Variants in SLC24A2 observed in about 807,000 individuals in gnomAD.
The protein encoded by SLC24A2 is sodium/potassium/calcium exchanger 2.
A neutral mutation model predicts 62.0 loss-of-function variants in SLC24A2; 36 were observed. The observed-to-expected ratio is 0.58, with a 90% CI of 0.44 to 0.77. The LOEUF (loss-of-function observed/expected upper bound fraction) is 0.77, where lower values mean the gene tolerates loss of function less well. Ranked by LOEUF, SLC24A2 falls within the 30% of genes least tolerant of loss-of-function variation. The probability of loss-of-function intolerance (pLI) is 0.00; values close to 1 mark genes in which losing one functional copy is unlikely to be tolerated. For missense variants in SLC24A2, 846 were observed against 817.9 expected (o/e 1.03, Z -0.42); for synonymous variants, 358 against 294.0 (o/e 1.22, Z -2.23).
intron 2 of SLC24A2, among the ~76,000 whole-genome samples, chr9:19,735,448 G>T (rs774483500): frequency 7.9e-5 from 12 of 152,142 alleles, no homozygotes; most frequent in Middle Eastern, 3.4e-3. Flanking sequence ...AGTCAGTGTG[G>T]CGATTCCTCA....
At chr9:19,775,503 C>T (rs1822818984) in intron 2 of SLC24A2, among the ~76,000 whole-genome samples, 1 of 152,144 alleles carries the variant, frequency 6.6e-6, no homozygotes, top group African/African-American at 2.4e-5. Flanking sequence ...CAGAGTTAGC[C>T]AAATGGACAT....
Position 19,602,541 on chromosome 9 carries a change from T to C in SLC24A2, c.1079-5262A>G, listed in dbSNP as rs10964235. Among the ~76,000 whole-genome samples, 118 of 152,304 alleles carry C rather than the reference T, an allele frequency of 7.7e-4. 1 individual carries two copies. The East Asian group carries it at 9.3e-3, about 12-fold the overall frequency. ...ACATTGAGACCTGATGTCAGTTACA[T>C]TGGTATTATTTAAAGAATGTACAAC... On this transcript the variant is annotated intron_variant, in intron 4 of 10. Coordinates refer to ENST00000341998, the MANE Select transcript of SLC24A2 (RefSeq NM_020344.4).
At chr9:19,694,732 A>G (rs1820135744) in intron 2 of SLC24A2, among the ~76,000 whole-genome samples, 1 of 152,180 alleles carries the variant, frequency 6.6e-6, no homozygotes, top group African/African-American at 2.4e-5. Flanking sequence ...AAAGAATACA[A>G]ATCCTTGTTT....
the SLC24A2 span, among the ~76,000 whole-genome samples, chr9:19,922,224 G>A: frequency 9.9e-5 from 15 of 152,248 alleles, 1 homozygote; most frequent in East Asian, 2.9e-3. Context: ...ATCTTCCTAA[G>A]TATGAAATAG....
chr9:20,057,605 C>T, the SLC24A2 span, among the ~76,000 whole-genome samples: 1 of 152,156 alleles, frequency 6.6e-6, no homozygotes, highest in Non-Finnish European at 1.5e-5. Context: ...ACCTATCAAG[C>T]CGTTGGATGG....
At chr9:20,101,890 A>G in the SLC24A2 span, among the ~76,000 whole-genome samples, 100 of 152,304 alleles carry the variant, frequency 6.6e-4, no homozygotes, top group East Asian at 0.015. Context: ...AAGATTCACA[A>G]ACACTGGAGC....
chr9:19,982,281 G>C, the SLC24A2 span, among the ~76,000 whole-genome samples: 1 of 152,172 alleles, frequency 6.6e-6, no homozygotes, highest in Non-Finnish European at 1.5e-5. Flanking sequence ...AAGTGTGAGT[G>C]TGTGCAAGGT....
At chr9:20,302,504 G>A in the SLC24A2 span, among the ~76,000 whole-genome samples, 3 of 152,222 alleles carry the variant, frequency 2.0e-5, no homozygotes, top group Non-Finnish European at 4.4e-5. Context: ...CTTTTCATAT[G>A]CTTATTTGCC....
At chr9:20,082,611 C>T in the SLC24A2 span, among the ~76,000 whole-genome samples, 5 of 152,190 alleles carry the variant, frequency 3.3e-5, no homozygotes, top group African/African-American at 7.2e-5. Flanking sequence ...CTGTCAGCAG[C>T]GTGAGATGTA....
the SLC24A2 span, among the ~76,000 whole-genome samples, chr9:20,202,859 G>A: frequency 6.6e-6 from 1 of 152,128 alleles, no homozygotes; most frequent in Non-Finnish European, 1.5e-5. Context: ...AATTTCCAGG[G>A]TTTCCCCAAA....
At chr9:20,088,737 G>A in the SLC24A2 span, among the ~76,000 whole-genome samples, 2 of 151,844 alleles carry the variant, frequency 1.3e-5, no homozygotes, top group African/African-American at 2.4e-5. Flanking sequence ...GCAGGTCTCT[G>A]ATCCCATTCC....
intron 2 of SLC24A2, among the ~76,000 whole-genome samples, chr9:19,686,553 T>G (rs1819886320): frequency 6.6e-6 from 1 of 152,108 alleles, no homozygotes. Flanking sequence ...GGGAGGTAAT[T>G]TAATCATGGG....
the SLC24A2 span, among the ~76,000 whole-genome samples, chr9:20,156,607 C>A: frequency 1.3e-5 from 2 of 151,744 alleles, no homozygotes; most frequent in Non-Finnish European, 2.9e-5. Context: ...TAAACTCTCT[C>A]CAGTAATTCA....
chr9:19,554,435 C>T (rs1011968053), intron 7 of SLC24A2, among the ~76,000 whole-genome samples: 1 of 152,228 alleles, frequency 6.6e-6, no homozygotes, highest in Non-Finnish European at 1.5e-5. Context: ...AATTCTACCC[C>T]ATTTTATATC....
Position 19,515,952 on chromosome 9 carries a change from G to A in SLC24A2, c.*201C>T, listed in dbSNP as rs1325827719. The A allele has an allele frequency of 4.5e-6, 3 of 661,012 alleles. No individual in the cohort carries two copies. The highest frequency in any genetic ancestry group is 5.5e-5 in the East Asian group (2 of 36,142). 40.9% of individuals were successfully genotyped at this position (661,012 alleles called of 1,614,324 possible). A position where few individuals can be genotyped will look rare whatever the true frequency, so the allele number is the denominator to read the frequency against. On this transcript the variant is annotated 3_prime_UTR_variant, in exon 11 of 11. Transcript: ENST00000341998. ...CGGTTCTCTTTGTCTTTTACATGAA[G>A]TCATTTCAGTAGGCAGGGTGGAAGC...
chr9:19,620,655 G>A (rs1817886877), intron 3 of SLC24A2, among the ~76,000 whole-genome samples: 1 of 152,146 alleles, frequency 6.6e-6, no homozygotes, highest in African/African-American at 2.4e-5. Flanking sequence ...TTTTTATCCT[G>A]AATAGGAACT....
chr9:20,160,416 A>G, the SLC24A2 span, among the ~76,000 whole-genome samples: 1 of 151,374 alleles, frequency 6.6e-6, no homozygotes, highest in Non-Finnish European at 1.5e-5. Flanking sequence ...AAGGTTATAA[A>G]AACCCTAAAA....
chr9:19,742,582 G>A (rs2118772431), intron 2 of SLC24A2, among the ~76,000 whole-genome samples: 1 of 152,182 alleles, frequency 6.6e-6, no homozygotes, highest in East Asian at 1.9e-4. Context: ...TTAAGTATAG[G>A]AAGGTTGGAA....
At chr9:19,554,897 T>A (rs1835007235) in intron 7 of SLC24A2, among the ~76,000 whole-genome samples, 1 of 152,162 alleles carries the variant, frequency 6.6e-6, no homozygotes, top group Admixed American at 6.5e-5. Flanking sequence ...TGGCAATGCT[T>A]CCGGGATAAA....
Sources: allele counts gnomAD v4.1 joint callset (sites outside exome capture counted in the v4.1 genomes callset), GRCh38; gene constraint gnomAD v4.1.1; transcripts MANE v1.5; gene names NCBI Gene and HGNC (gene_info 2026-07-23, HGNC 2026-07-21).